The following SGCZ variants were observed in gnomAD, a reference collection of about 807,000 sequenced individuals.
SGCZ encodes the protein zeta-sarcoglycan.
In SGCZ, 40 loss-of-function variants were observed where a neutral mutation model predicts 41.3. That is an observed-to-expected ratio of 0.97 (90% CI 0.75 to 1.26). The LOEUF (loss-of-function observed/expected upper bound fraction) is 1.26, where lower values mean the gene tolerates loss of function less well. Among genes scored for constraint, SGCZ ranks in the 50% most tolerant of loss-of-function variants. SGCZ has a pLI of 0.00. For synonymous variants in SGCZ, 206 were observed against 137.5 expected (o/e 1.50, Z -3.49); for missense variants, 552 against 369.8 (o/e 1.49, Z -4.04).
intron 2 of SGCZ, among the ~76,000 whole-genome samples, chr8:14,504,203 C>T (rs981496937): frequency 2.6e-5 from 4 of 152,168 alleles, no homozygotes; most frequent in Admixed American, 6.5e-5. Flanking sequence ...TTCAATTTGC[C>T]TTTAAATGTC....
intron 1 of SGCZ, among the ~76,000 whole-genome samples, chr8:14,742,085 A>G (rs964292300): frequency 1.3e-5 from 2 of 152,082 alleles, no homozygotes; most frequent in Non-Finnish European, 2.9e-5. Context: ...TTAGAGGGAA[A>G]AAAAACCTAG....
In SGCZ at chr8:15,084,292, T is replaced by A. The variant is rs80266084; in HGVS notation, c.39+153293A>T. Reference sequence around the variant, plus strand: ...ATTTAAAGACAATTTTAAAATTCAGTCTATATTGAGACATTAATCATTTTA... The same window carrying A: ...ATTTAAAGACAATTTTAAAATTCAGACTATATTGAGACATTAATCATTTTA... On this transcript the variant is annotated intron_variant, in intron 1 of 7. Coordinates refer to ENST00000382080, the MANE Select transcript of SGCZ (RefSeq NM_139167.4). Among the ~76,000 whole-genome samples, 787 of 152,286 alleles carry A rather than the reference T, an allele frequency of 5.2e-3. 13 individuals carry two copies. Among genetic ancestry groups the A allele is most frequent in the African/African-American group, 0.018 (759 of 41,548 alleles).
intron 1 of SGCZ, among the ~76,000 whole-genome samples, chr8:14,835,511 T>G (rs1802666963): frequency 6.6e-6 from 1 of 152,206 alleles, no homozygotes; most frequent in Non-Finnish European, 1.5e-5. Flanking sequence ...TGCATTTCTC[T>G]CTGGTTTTTA....
intron 2 of SGCZ, among the ~76,000 whole-genome samples, chr8:14,474,539 C>A (rs886093918): frequency 1.3e-5 from 2 of 152,108 alleles, no homozygotes; most frequent in African/African-American, 4.8e-5. Context: ...CATGGTTTTA[C>A]TTTGTAGAGC....
intron 1 of SGCZ, among the ~76,000 whole-genome samples, chr8:15,045,779 G>A (rs1357467458): frequency 1.3e-5 from 2 of 152,010 alleles, no homozygotes; most frequent in East Asian, 3.9e-4. Context: ...GACAAAGTGG[G>A]TAATCAGAGC....
At chr8:14,623,687 T>G (rs970914011) in intron 1 of SGCZ, among the ~76,000 whole-genome samples, 2 of 152,188 alleles carry the variant, frequency 1.3e-5, no homozygotes, top group Non-Finnish European at 2.9e-5. Flanking sequence ...TTTATAATTT[T>G]TAACCCCTTT....
chr8:15,122,942 A>C (rs1454774356), intron 1 of SGCZ, among the ~76,000 whole-genome samples: 1 of 152,214 alleles, frequency 6.6e-6, no homozygotes, highest in African/African-American at 2.4e-5. Flanking sequence ...GGAAACACTG[A>C]GCTTTCAATG....
chr8:14,806,292 G>C (rs1312225184), intron 1 of SGCZ, among the ~76,000 whole-genome samples: 1 of 150,652 alleles, frequency 6.6e-6, no homozygotes, highest in Non-Finnish European at 1.5e-5. Context: ...GAATCCAGGA[G>C]CTGGTTTTTT....
chr8:15,113,621 A>G (rs1333816955), intron 1 of SGCZ, among the ~76,000 whole-genome samples: 1 of 152,208 alleles, frequency 6.6e-6, no homozygotes, highest in Non-Finnish European at 1.5e-5. Flanking sequence ...ATCGTGAGGT[A>G]TAAGGGGGGC....
In SGCZ at chr8:14,828,027, T is replaced by C. The variant is rs147071793; in HGVS notation, c.40-273101A>G. Reference sequence around the variant, plus strand: ...CTTGTTTAACATGTCTGACAGGACCTCAACTGAAACACTGAGAAGCTGCTG... The same window carrying C: ...CTTGTTTAACATGTCTGACAGGACCCCAACTGAAACACTGAGAAGCTGCTG... On this transcript the variant is annotated intron_variant, in intron 1 of 7. Transcript: ENST00000382080. Among the ~76,000 whole-genome samples, 787 of 152,334 alleles carry C rather than the reference T, an allele frequency of 5.2e-3. 8 individuals are homozygous for C. Among genetic ancestry groups the C allele is most frequent in the African/African-American group, 0.018 (746 of 41,574 alleles).
chr8:14,733,796 CT>C (rs1387913006), intron 1 of SGCZ, among the ~76,000 whole-genome samples: 1 of 152,126 alleles, frequency 6.6e-6, no homozygotes, highest in Non-Finnish European at 1.5e-5. Flanking sequence ...TTAATTTTAA[CT>C]CAGTTGTAAA....
intron 1 of SGCZ, among the ~76,000 whole-genome samples, chr8:14,912,317 C>A (rs1181900667): frequency 1.3e-5 from 2 of 151,842 alleles, no homozygotes; most frequent in African/African-American, 2.4e-5. Context: ...GAGCCCTACC[C>A]AAAATGACAG....
chr8:15,060,654 C>T (rs910298641), intron 1 of SGCZ, among the ~76,000 whole-genome samples: 34 of 138,352 alleles, frequency 2.5e-4, no homozygotes, highest in African/African-American at 8.7e-4. Context: ...CACATGTACC[C>T]GAAAACTTAA....
At chr8:14,979,718 A>T (rs1424879701) in intron 1 of SGCZ, among the ~76,000 whole-genome samples, 2 of 152,212 alleles carry the variant, frequency 1.3e-5, no homozygotes, top group African/African-American at 2.4e-5. Context: ...ACACTAAAAA[A>T]GTTCTTCATT....
chr8:15,001,812 A>G (rs1802433864), intron 1 of SGCZ, among the ~76,000 whole-genome samples: 1 of 151,892 alleles, frequency 6.6e-6, no homozygotes. Context: ...CATGAAATGC[A>G]TGCCATTATT....
chr8:14,162,931 C>G (rs1804090755), intron 5 of SGCZ, among the ~76,000 whole-genome samples: 1 of 152,206 alleles, frequency 6.6e-6, no homozygotes, highest in Non-Finnish European at 1.5e-5. Context: ...ACTGCACTGG[C>G]ATGATCTTGG....
At chr8:14,568,317 T>A (rs1398954473) in intron 1 of SGCZ, among the ~76,000 whole-genome samples, 1 of 151,288 alleles carries the variant, frequency 6.6e-6, no homozygotes, top group Non-Finnish European at 1.5e-5. Context: ...GGTTGATAGG[T>A]GCAGCAAACC....
intron 1 of SGCZ, among the ~76,000 whole-genome samples, chr8:14,645,490 A>ATATATATT (rs1807183022): frequency 6.9e-6 from 1 of 145,904 alleles, no homozygotes; most frequent in Non-Finnish European, 1.5e-5. Context: ...ATATGTATAT[A>ATATATATT]TATATATATA....
chr8:14,755,843 C>T (rs1799647978), intron 1 of SGCZ, among the ~76,000 whole-genome samples: 1 of 151,150 alleles, frequency 6.6e-6, no homozygotes, highest in Admixed American at 6.6e-5. Flanking sequence ...ATATACAGGA[C>T]ATAGATAACA....
Sources: gnomAD v4.1 joint callset for allele counts (sites outside exome capture counted in the v4.1 genomes callset) on GRCh38, gnomAD v4.1.1 for gene constraint, MANE v1.5 for transcripts, NCBI Gene and HGNC (gene_info 2026-07-23, HGNC 2026-07-21) for gene names.